The following TSNARE1 variants were observed in gnomAD, a reference collection of about 807,000 sequenced individuals.
TSNARE1 encodes t-SNARE domain-containing protein 1.
Under a neutral mutation model 62.0 loss-of-function variants are expected in TSNARE1, and 49 were observed. The observed-to-expected ratio is 0.79, with a 90% CI of 0.63 to 1.00. TSNARE1 has a LOEUF of 1.00. Ranked by LOEUF, TSNARE1 falls within the 50% of genes least tolerant of loss-of-function variation. The pLI is 0.00. For synonymous variants in TSNARE1, 328 were observed against 294.4 expected (o/e 1.11, Z -1.17); for missense variants, 755 against 700.1 (o/e 1.08, Z -0.88).
intron 1 of TSNARE1, among the ~76,000 whole-genome samples, chr8:142,399,164 GCCCTT>G (rs745963670): frequency 3.9e-5 from 6 of 152,256 alleles, no homozygotes; most frequent in Non-Finnish European, 8.8e-5. Flanking sequence ...TGTTGGTAGT[GCCCTT>G]CTTCTCTGCC....
intron 1 of TSNARE1, among the ~76,000 whole-genome samples, chr8:142,394,164 G>A (rs1172692060): frequency 1.3e-5 from 2 of 152,302 alleles, no homozygotes; most frequent in East Asian, 1.9e-4. Context: ...TTATGCCTGC[G>A]GCCTCCAGTG....
intron 13 of TSNARE1, among the ~76,000 whole-genome samples, chr8:142,220,021 C>T (rs757497847): frequency 5.9e-5 from 9 of 152,206 alleles, no homozygotes; most frequent in African/African-American, 1.2e-4. Flanking sequence ...CCTGCTGGCC[C>T]GAGGGCCATG....
At chr8:142,395,569 G>A (rs753852851) in intron 1 of TSNARE1, among the ~76,000 whole-genome samples, 46 of 151,528 alleles carry the variant, frequency 3.0e-4, no homozygotes, top group African/African-American at 7.5e-4. Flanking sequence ...AAGATCTGTC[G>A]CCAGGGGGCG....
chr8:142,251,495 T>C (rs912449923), intron 12 of TSNARE1, among the ~76,000 whole-genome samples: 1 of 152,016 alleles, frequency 6.6e-6, no homozygotes, highest in African/African-American at 2.4e-5. Context: ...AGGGCAGAGG[T>C]TGTCCTCCCA....
In TSNARE1 at chr8:142,344,480, G is replaced by A; in HGVS notation, c.239-8C>T. The A allele has an allele frequency of 1.3e-6, 2 of 1,516,666 alleles. No individual in the cohort carries two copies. The highest frequency in any genetic ancestry group is 1.8e-6 in the Non-Finnish European group (2 of 1,138,632). 94.0% of individuals were successfully genotyped at this position (1,516,666 alleles called of 1,614,324 possible). A position where few individuals can be genotyped will look rare whatever the true frequency, so the allele number is the denominator to read the frequency against. On this transcript the variant is annotated splice_polypyrimidine_tract_variant and splice_region_variant and intron_variant, in intron 3 of 13. Coordinates refer to ENST00000524325, the MANE Select transcript of TSNARE1 (RefSeq NM_145003.5). Reference sequence around the variant, plus strand: ...CAGGGGCAACCCCAGGCCCTGGAAAGGCACCAAAAGGCGGATGTTTAAGGC... The same window carrying A: ...CAGGGGCAACCCCAGGCCCTGGAAAAGCACCAAAAGGCGGATGTTTAAGGC...
chr8:142,237,616 T>G (rs1339117747), intron 12 of TSNARE1, among the ~76,000 whole-genome samples: 1 of 152,174 alleles, frequency 6.6e-6, no homozygotes, highest in African/African-American at 2.4e-5. Flanking sequence ...GACTGCACGT[T>G]TGGTCCGTGG....
Position 142,275,661 on chromosome 8 carries a change from G to C in TSNARE1, c.1364-798C>G, listed in dbSNP as rs978811438. 1.7e-5 allele frequency: 17 copies of C among 985,350 alleles called. No homozygotes were observed. In the African/African-American group the frequency reaches 3.0e-4, roughly 17 times the overall value. The allele number at this position is 985,350 out of a possible 1,614,324, so 61.0% of individuals were successfully genotyped here. A position where few individuals can be genotyped will look rare whatever the true frequency, so the allele number is the denominator to read the frequency against. Reference sequence around the variant, plus strand: ...AGCACGGGCAAGCCTTCTTCCCGGAGGGAGGTTCCTTGCAAGGCCTGCCTC... The same window carrying C: ...AGCACGGGCAAGCCTTCTTCCCGGACGGAGGTTCCTTGCAAGGCCTGCCTC... On this transcript the variant is annotated intron_variant, in intron 11 of 13. Transcript: ENST00000524325.
At chr8:142,214,149 G>A (rs964924054) in intron 13 of TSNARE1, among the ~76,000 whole-genome samples, 9 of 152,220 alleles carry the variant, frequency 5.9e-5, no homozygotes, top group Admixed American at 2.0e-4. Flanking sequence ...AAGGTCCAGG[G>A]AGCAGGCGAT....
In TSNARE1 at chr8:142,332,448, G is replaced by A. The variant is rs934070369; in HGVS notation, c.746-617C>T. Among the ~76,000 whole-genome samples, 5 of 150,986 alleles carry A rather than the reference G, an allele frequency of 3.3e-5. No individual in the cohort carries two copies. In the East Asian group the frequency reaches 5.8e-4, roughly 17 times the overall value. ...TGCTGATGGGTACGGGGGTGCTTTT[G>A]GGGGTGATGGAAACATTTTAGAATT... On this transcript the variant is annotated intron_variant, in intron 4 of 13. Transcript: ENST00000524325.
chr8:142,234,856 C>A (rs1038213411), intron 12 of TSNARE1, among the ~76,000 whole-genome samples: 3 of 151,912 alleles, frequency 2.0e-5, no homozygotes, highest in African/African-American at 7.3e-5. Flanking sequence ...GAAGTCCCCT[C>A]GTCCCCCCAC....
At chr8:142,222,898 A>T in intron 13 of TSNARE1, among the ~76,000 whole-genome samples, 1 of 124,438 alleles carries the variant, frequency 8.0e-6, no homozygotes, top group Non-Finnish European at 1.6e-5. Context: ...TCACTCATTC[A>T]CTTACTCATC....
intron 12 of TSNARE1, among the ~76,000 whole-genome samples, chr8:142,244,646 A>G (rs1817803398): frequency 6.6e-6 from 1 of 152,150 alleles, no homozygotes; most frequent in Admixed American, 6.5e-5. Flanking sequence ...GCGAGGGCCA[A>G]CGTCCCCAAG....
intron 12 of TSNARE1, among the ~76,000 whole-genome samples, chr8:142,242,946 T>C (rs1269030547): frequency 2.9e-4 from 8 of 27,538 alleles, no homozygotes; most frequent in Admixed American, 6.2e-4. Flanking sequence ...AAACTCTGTC[T>C]CAAAAAAAAA....
chr8:142,263,547 T>C (rs1184763239), intron 12 of TSNARE1, among the ~76,000 whole-genome samples: 3 of 152,206 alleles, frequency 2.0e-5, no homozygotes, highest in Non-Finnish European at 4.4e-5. Context: ...CCTCTTTTTA[T>C]TTTTCTTTGG....
chr8:142,214,639 G>T (rs371041844), intron 13 of TSNARE1, among the ~76,000 whole-genome samples: 1 of 152,154 alleles, frequency 6.6e-6, no homozygotes, highest in African/African-American at 2.4e-5. Context: ...CCCCTGCTAC[G>T]GTCTGAGTGC....
chr8:142,271,148 C>T, intron 12 of TSNARE1: 1 of 987,902 alleles, frequency 1.0e-6, no homozygotes, highest in Non-Finnish European at 1.2e-6. Context: ...CGAGTGGGTG[C>T]CCTTGGGGCT....
chr8:142,381,961 G>A (rs148035194), intron 1 of TSNARE1, among the ~76,000 whole-genome samples: 4 of 152,172 alleles, frequency 2.6e-5, no homozygotes, highest in East Asian at 1.9e-4. Flanking sequence ...TCCTCCCCTC[G>A]GTGAGCAGGC....
At chr8:142,220,666 G>C (rs892445888) in intron 13 of TSNARE1, among the ~76,000 whole-genome samples, 1 of 152,190 alleles carries the variant, frequency 6.6e-6, no homozygotes. Flanking sequence ...AGTGAAAGGC[G>C]CCACTATGGT....
Position 142,344,052 on chromosome 8 carries a change from G to A in TSNARE1, c.659C>T (p.Ala220Val), listed in dbSNP as rs1427522516. The change falls in exon 4 of 14, where the codon GCT (alanine) becomes GTT (valine). Residue 220 changes from alanine (A) to valine (V), a missense_variant. Ala to Val is a moderately conservative substitution (Grantham distance 64). Transcript: ENST00000524325. ...SPGSGKPQAL[A>V]LTPVEQVVAK... is the part of the protein sequence containing the mutation. ...CACCACCTGCTCCACGGGCGTGAGA[G>A]CCAGGGCCTGGGGCTTGCCGGAACC... is the stretch of plus-strand genomic sequence containing the variant. 1 of 1,595,948 alleles carries A rather than the reference G, an allele frequency of 6.3e-7. No individual in the cohort carries two copies. Among genetic ancestry groups the A allele is most frequent in the South Asian group, 1.1e-5 (1 of 89,056 alleles).
Sources: gnomAD v4.1 joint callset for allele counts (sites outside exome capture counted in the v4.1 genomes callset) on GRCh38, gnomAD v4.1.1 for gene constraint, MANE v1.5 for transcripts, NCBI Gene and HGNC (gene_info 2026-07-23, HGNC 2026-07-21) for gene names.